Variants in STPG2 observed in about 807,000 individuals in gnomAD.
STPG2 encodes the protein sperm-tail PG-rich repeat-containing protein 2.
Under a neutral mutation model 54.2 loss-of-function variants are expected in STPG2, and 56 were observed. That is an observed-to-expected ratio of 1.03 (90% confidence interval 0.83 to 1.29). The LOEUF is 1.29. Ranked by LOEUF, STPG2 falls within the 50% of genes most tolerant of loss-of-function variation. STPG2 has a pLI of 0.00. For missense variants in STPG2, 596 were observed against 544.9 expected (o/e 1.09, Z -0.93); for synonymous variants, 200 against 181.8 (o/e 1.10, Z -0.81).
At chr4:97,704,812 A>G (rs1318941332) in intron 10 of STPG2, among the ~76,000 whole-genome samples, 1 of 152,210 alleles carries the variant, frequency 6.6e-6, no homozygotes, top group Non-Finnish European at 1.5e-5. Flanking sequence ...TTTCATAGCT[A>G]CAATTGAAAA....
At chr4:97,879,263 A>G (rs1450740846) in intron 8 of STPG2, among the ~76,000 whole-genome samples, 1 of 152,202 alleles carries the variant, frequency 6.6e-6, no homozygotes, top group Admixed American at 6.5e-5. Context: ...ACCCAGTTCC[A>G]AAGTTGCTTC....
chr4:97,616,130 AT>A (rs1733869228), intron 10 of STPG2, among the ~76,000 whole-genome samples: 1 of 41,330 alleles, frequency 2.4e-5, no homozygotes. Flanking sequence ...AAATAAAGCC[AT>A]GTTAAGTGCA....
intron 7 of STPG2, among the ~76,000 whole-genome samples, chr4:97,963,003 AC>A (rs1449633469): frequency 6.6e-6 from 1 of 152,124 alleles, no homozygotes; most frequent in Non-Finnish European, 1.5e-5. Context: ...TACTAAAAAT[AC>A]AAAAATTAGC....
chr4:97,445,723 T>C (rs1432760197), intron 4 of STPG2, among the ~76,000 whole-genome samples: 1 of 152,222 alleles, frequency 6.6e-6, no homozygotes, highest in Non-Finnish European at 1.5e-5. Flanking sequence ...ATGGCATCTA[T>C]ATGAATTTGA....
At chr4:97,731,646 C>T (rs571005569) in intron 9 of STPG2, among the ~76,000 whole-genome samples, 1 of 152,222 alleles carries the variant, frequency 6.6e-6, no homozygotes, top group Non-Finnish European at 1.5e-5. Context: ...GCTGGGTTCC[C>T]TCAGGCAGAG....
In STPG2 at chr4:98,134,310, G is replaced by A. The variant is rs371381852; in HGVS notation, c.222+37C>T. The stretch of plus-strand genomic sequence containing the variant: ...TTGGTCTATTCAGGGAAGAAAACAT[G>A]GTTTTATTAAGTCAATTATAGTAAC... On this transcript the variant is annotated intron_variant, in intron 2 of 10. Transcript: ENST00000295268. 6.3e-6 allele frequency: 8 copies of A among 1,263,912 alleles called. No individual in the cohort carries two copies. The South Asian group carries it at 9.2e-5, about 14-fold the overall frequency. 78.3% of individuals were successfully genotyped at this position (1,263,912 alleles called of 1,614,324 possible).
chr4:97,614,741 C>A (rs1166635538), intron 10 of STPG2, among the ~76,000 whole-genome samples: 2 of 152,114 alleles, frequency 1.3e-5, no homozygotes, highest in African/African-American at 4.8e-5. Flanking sequence ...CAGAATCCTA[C>A]TTGTTGAAAA....
At chr4:97,771,739 C>A (rs571266571) in intron 9 of STPG2, among the ~76,000 whole-genome samples, 1 of 152,260 alleles carries the variant, frequency 6.6e-6, no homozygotes, top group African/African-American at 2.4e-5. Flanking sequence ...GACAAATGGG[C>A]ATGCAGAGGG....
At chr4:97,487,233 G>A (rs1245522177) in intron 4 of STPG2, among the ~76,000 whole-genome samples, 3 of 150,814 alleles carry the variant, frequency 2.0e-5, no homozygotes, top group African/African-American at 7.3e-5. Flanking sequence ...GACTACATAT[G>A]GTATTATTTC....
intron 10 of STPG2, among the ~76,000 whole-genome samples, chr4:97,592,439 T>A (rs1733169026): frequency 6.6e-6 from 1 of 152,170 alleles, no homozygotes; most frequent in Admixed American, 6.5e-5. Context: ...TTCACACATA[T>A]AAAGCCTACT....
chr4:97,589,603 T>C (rs1472216149), intron 10 of STPG2, among the ~76,000 whole-genome samples: 1 of 152,134 alleles, frequency 6.6e-6, no homozygotes, highest in Non-Finnish European at 1.5e-5. Context: ...TTAGCCTCTG[T>C]AAATCCTATT....
intron 3 of STPG2, among the ~76,000 whole-genome samples, chr4:98,111,059 A>G (rs1462099682): frequency 6.6e-6 from 1 of 152,114 alleles, no homozygotes; most frequent in Non-Finnish European, 1.5e-5. Flanking sequence ...GATATAGCAC[A>G]GCAAAGACTA....
At chr4:97,929,944 G>A (rs1172944860) in intron 8 of STPG2, among the ~76,000 whole-genome samples, 1 of 152,004 alleles carries the variant, frequency 6.6e-6, no homozygotes. Context: ...CCTATCACCA[G>A]GCTGGAGTGC....
chr4:97,734,658 C>A (rs1024070475), intron 9 of STPG2, among the ~76,000 whole-genome samples: 4 of 151,948 alleles, frequency 2.6e-5, no homozygotes, highest in African/African-American at 9.7e-5. Context: ...CTAAAAGGAT[C>A]AAATGTGGTG....
At chr4:97,948,178 C>T (rs1175584183) in intron 7 of STPG2, among the ~76,000 whole-genome samples, 1 of 151,904 alleles carries the variant, frequency 6.6e-6, no homozygotes, top group African/African-American at 2.4e-5. Context: ...TCTAGATTTC[C>T]TAGGTTGTGT....
At chr4:97,678,976 T>C (rs1370799618) in intron 10 of STPG2, among the ~76,000 whole-genome samples, 1 of 152,170 alleles carries the variant, frequency 6.6e-6, no homozygotes, top group Non-Finnish European at 1.5e-5. Flanking sequence ...TATGGCTGCA[T>C]TGTATTCCAT....
At chr4:98,080,342 C>A (rs1196543990) in intron 5 of STPG2, among the ~76,000 whole-genome samples, 1 of 152,048 alleles carries the variant, frequency 6.6e-6, no homozygotes, top group Non-Finnish European at 1.5e-5. Context: ...AATATACCTG[C>A]CTCAGTCGCC....
At chr4:97,737,798 T>A (rs921687991) in intron 9 of STPG2, among the ~76,000 whole-genome samples, 1 of 152,128 alleles carries the variant, frequency 6.6e-6, no homozygotes, top group African/African-American at 2.4e-5. Flanking sequence ...CAGGATATTA[T>A]CCAGGAGAAC....
At chr4:97,997,739 T>C (rs1735289035) in intron 5 of STPG2, among the ~76,000 whole-genome samples, 1 of 152,288 alleles carries the variant, frequency 6.6e-6, no homozygotes, top group East Asian at 1.9e-4. Context: ...GTCATTATCC[T>C]AAATGAACTA....
Sources: gnomAD v4.1 joint callset for allele counts (sites outside exome capture counted in the v4.1 genomes callset) on GRCh38, gnomAD v4.1.1 for gene constraint, MANE v1.5 for transcripts, NCBI Gene and HGNC (gene_info 2026-07-23, HGNC 2026-07-21) for gene names.